The following EML6 variants were observed in gnomAD, a reference collection of about 807,000 sequenced individuals.
EML6 encodes echinoderm microtubule-associated protein-like 6.
In EML6, 154 loss-of-function variants were observed where a neutral mutation model predicts 240.1. The ratio of observed to expected loss-of-function variants is 0.64; its 90% CI spans 0.56 to 0.73. EML6 has a LOEUF of 0.73. Ranked by LOEUF, EML6 falls within the 30% of genes least tolerant of loss-of-function variation. EML6 has a pLI of 0.00. For missense variants in EML6, 2,964 were observed against 2,474.6 expected, an observed-to-expected ratio of 1.20 and a Z score of -4.20; for synonymous variants, 1,148 against 899.0, an observed-to-expected ratio of 1.28 and a Z score of -4.95.
rs1388279204 is a variant in EML6 at position 54,964,074 on chromosome 2, A to G, written c.5246A>G (p.Asn1749Ser). 3 of 1,551,756 alleles carry G rather than the reference A, an allele frequency of 1.9e-6. No homozygotes were observed. Among genetic ancestry groups the G allele is most frequent in the Non-Finnish European group, 1.7e-6 (2 of 1,147,010 alleles). The change falls in exon 37 of 42, where the codon AAT (asparagine) becomes AGT (serine). Residue 1749 changes from asparagine to serine, a missense_variant. Coordinates refer to ENST00000356458, the MANE Select transcript of EML6 (RefSeq NM_001039753.4). ...DGEMVAIGMK[N>S]GEFVILLVNS... ...GAGATGGTGGCCATTGGCATGAAGA[A>G]TGGAGAGTTTGTCATCTTGTTGGTG...
intron 16 of EML6, among the ~76,000 whole-genome samples, chr2:54,872,091 T>C (rs2103924217): frequency 6.6e-6 from 1 of 152,344 alleles, no homozygotes; most frequent in Admixed American, 6.5e-5. Context: ...ATTGGTATTT[T>C]GGAAATAACT....
chr2:54,928,440 G>A lies in EML6; in HGVS notation c.3803G>A (p.Arg1268Lys). 1 of 1,551,066 alleles carries A rather than the reference G, an allele frequency of 6.4e-7. No individual in the cohort carries two copies. Among genetic ancestry groups the A allele is most frequent in the East Asian group, 2.4e-5 (1 of 40,906 alleles). The part of the protein sequence containing the change: ...GADTALMIWT[R>K]EFVGTQESKL... ...GACACAGCCCTGATGATCTGGACCAGGGAGTTTGTGGGGACCCAGGAGAGC... is the reference window on the plus strand; with the variant it reads ...GACACAGCCCTGATGATCTGGACCAAGGAGTTTGTGGGGACCCAGGAGAGC... Residue 1268 changes from arginine to lysine, a missense_variant, in exon 27 of 42, where the codon AGG (arginine) becomes AAG (lysine). Transcript: ENST00000356458.
chr2:54,836,729 G>GGTT (rs1450108046), intron 7 of EML6, among the ~76,000 whole-genome samples: 2 of 152,166 alleles, frequency 1.3e-5, no homozygotes, highest in Non-Finnish European at 2.9e-5. Context: ...CCCTGCGGTT[G>GGTT]GTTGCATGCT....
Position 54,895,015 on chromosome 2 carries a change from C to G in EML6, c.2843C>G (p.Thr948Ser), listed in dbSNP as rs774274972. The G allele has an allele frequency of 6.5e-6, 10 of 1,550,130 alleles. No individual in the cohort carries two copies. Among genetic ancestry groups the G allele is most frequent in the Non-Finnish European group, 8.7e-6 (10 of 1,145,584 alleles). Residue 948 changes from threonine (T) to serine (S), a missense_variant, in exon 20 of 42, where the codon ACT (threonine) becomes AGT (serine). By Grantham distance (58) the Thr-to-Ser change is moderately conservative. Transcript: ENST00000356458. The stretch of plus-strand genomic sequence containing the variant: ...GCCATTAAAAGATCAGCATTGTCGA[C>G]TAGCTCAAAAGGTGCCACTCCCAAA... ...TYAIKRSALS[T>S]SSKGLLLEDN...
intron 33 of EML6, among the ~76,000 whole-genome samples, chr2:54,958,235 A>C (rs180884981): frequency 2.8e-4 from 42 of 152,324 alleles, no homozygotes; most frequent in African/African-American, 9.9e-4. Context: ...TCTGTCACCT[A>C]GGCTGGAGTG....
At chr2:54,879,688 A>C in intron 17 of EML6, 48 bp downstream of exon 17, 1 of 1,082,302 alleles carries the variant, frequency 9.2e-7, no homozygotes. Flanking sequence ...ACCACGGTTC[A>C]GTAAAGGTCA....
chr2:54,950,519 G>T, intron 29 of EML6, 131 bp from the exon 30 acceptor site: 1 of 965,994 alleles, frequency 1.0e-6, no homozygotes, highest in Non-Finnish European at 1.5e-6. Context: ...AATGTTTTCA[G>T]TGAGTGTGTG....
chr2:54,756,587 TC>T (rs1370740391), intron 2 of EML6, among the ~76,000 whole-genome samples: 11 of 152,000 alleles, frequency 7.2e-5, no homozygotes, highest in Non-Finnish European at 4.4e-5. Context: ...TTTAAAAAAA[TC>T]TTTTTTTAAG....
intron 3 of EML6, among the ~76,000 whole-genome samples, chr2:54,816,001 G>C (rs1260725232): frequency 1.3e-5 from 2 of 152,194 alleles, no homozygotes; most frequent in African/African-American, 4.8e-5. Flanking sequence ...AATGAGAAAA[G>C]TGAGATTTAA....
chr2:54,834,920 G>A (rs552096290), intron 7 of EML6, among the ~76,000 whole-genome samples: 20 of 152,170 alleles, frequency 1.3e-4, no homozygotes, highest in Admixed American at 1.0e-3. Flanking sequence ...AACTTTATGT[G>A]AGCCAGATCA....
intron 16 of EML6, among the ~76,000 whole-genome samples, chr2:54,872,240 A>G (rs1194967498): frequency 1.3e-5 from 2 of 152,228 alleles, no homozygotes; most frequent in African/African-American, 4.8e-5. Flanking sequence ...ATGAGGGCCT[A>G]TCACAAAAAG....
chr2:54,969,346 G>C (rs1676890852), intron 41 of EML6, among the ~76,000 whole-genome samples: 1 of 152,130 alleles, frequency 6.6e-6, no homozygotes. Flanking sequence ...CAGGCCTTCT[G>C]ATACTTCCTG....
intron 2 of EML6, among the ~76,000 whole-genome samples, chr2:54,778,733 A>G (rs537131235): frequency 4.3e-4 from 66 of 151,964 alleles, no homozygotes; most frequent in Non-Finnish European, 9.3e-4. Flanking sequence ...CTAAAAAAAT[A>G]CAAAAAAAAT....
chr2:54,950,596 C>A, intron 29 of EML6, 54 bp from the exon 30 acceptor site: 1 of 1,543,002 alleles, frequency 6.5e-7, no homozygotes, highest in Non-Finnish European at 8.8e-7. Flanking sequence ...GTGTGTTCCT[C>A]GGCTCTCCCT....
chr2:54,807,883 T>G (rs1670581056), intron 2 of EML6, among the ~76,000 whole-genome samples: 1 of 152,234 alleles, frequency 6.6e-6, no homozygotes, highest in African/African-American at 2.4e-5. Context: ...GCTGTATTTT[T>G]AACCATTCTT....
At chr2:54,927,477 C>T (rs944376193) in intron 26 of EML6, among the ~76,000 whole-genome samples, 3 of 152,206 alleles carry the variant, frequency 2.0e-5, no homozygotes, top group Non-Finnish European at 4.4e-5. Flanking sequence ...GGTATTCCCT[C>T]GGAGTCGCTG....
chr2:54,923,789 C>T (rs527523190), intron 26 of EML6, among the ~76,000 whole-genome samples: 1 of 152,256 alleles, frequency 6.6e-6, no homozygotes, highest in Non-Finnish European at 1.5e-5. Flanking sequence ...CCTTCTGGGC[C>T]AGTCCCCATG....
chr2:54,925,593 A>G (rs1435993810), intron 26 of EML6, among the ~76,000 whole-genome samples: 1 of 152,150 alleles, frequency 6.6e-6, no homozygotes, highest in Non-Finnish European at 1.5e-5. Context: ...TTTCCATGCC[A>G]GACAAGTATC....
intron 11 of EML6, among the ~76,000 whole-genome samples, chr2:54,855,232 G>A (rs772130952): frequency 7.2e-5 from 11 of 152,128 alleles, no homozygotes; most frequent in Admixed American, 2.6e-4. Context: ...TTTGCTTGGC[G>A]TCTGGGCGAG....
Sources: allele counts gnomAD v4.1 joint callset (sites outside exome capture counted in the v4.1 genomes callset), GRCh38; gene constraint gnomAD v4.1.1; transcripts MANE v1.5; gene names NCBI Gene and HGNC (gene_info 2026-07-23, HGNC 2026-07-21).